Variants in OR52I2 observed in about 807,000 individuals in gnomAD.
OR52I2 encodes the protein olfactory receptor 52I2.
For missense variants in OR52I2, 350 were observed against 402.4 expected (o/e 0.87, Z 1.11); for synonymous variants, 147 against 151.9 (o/e 0.97, Z 0.24).
chr11:4,589,287 T>C (rs1846333286), exon 2 of OR52I2: 1 of 152,252 alleles, frequency 6.6e-6, no homozygotes. Context: ...AAGGACAATA[T>C]GACTCTCCAT....
At chr11:4,592,230 C>A (rs1846355498) in exon 2 of OR52I2, 1 of 152,174 alleles carries the variant, frequency 6.6e-6, no homozygotes, top group African/African-American at 2.4e-5. Flanking sequence ...TCACTTAAAT[C>A]TCAAAATATC....
chr11:4,591,571 G>A (rs1846350785), exon 2 of OR52I2: 1 of 152,202 alleles, frequency 6.6e-6, no homozygotes, highest in South Asian at 2.1e-4. Flanking sequence ...ATTTAATATG[G>A]TCTGGTCTAC....
chr11:4,583,612 C>T (rs1039845650), intron 1 of OR52I2, among the ~76,000 whole-genome samples: 2 of 152,234 alleles, frequency 1.3e-5, no homozygotes, highest in South Asian at 4.1e-4. Context: ...TGATCCATCA[C>T]TTAAGATGTC....
At chr11:4,586,972 C>T (rs1467701509) in exon 2 of OR52I2, 15 of 1,614,062 alleles carry the variant, frequency 9.3e-6, no homozygotes, top group Non-Finnish European at 1.1e-5. Flanking sequence ...GCAATCTTCA[C>T]ATCTTTGGCT....
exon 2 of OR52I2, chr11:4,591,841 G>C (rs570924648): frequency 1.3e-5 from 2 of 151,856 alleles, no homozygotes; most frequent in East Asian, 3.9e-4. Context: ...TTTTTCACAA[G>C]TGTGATGAAG....
At chr11:4,583,177 A>C (rs1485353934) in intron 1 of OR52I2, among the ~76,000 whole-genome samples, 1 of 152,230 alleles carries the variant, frequency 6.6e-6, no homozygotes, top group Admixed American at 6.5e-5. Context: ...TTAAAAAGAA[A>C]CAGCCAACAA....
intron 1 of OR52I2, among the ~76,000 whole-genome samples, chr11:4,585,547 A>AC (rs200920476): frequency 0.041 from 6,254 of 152,300 alleles, 149 homozygotes; most frequent in Middle Eastern, 0.071. Context: ...ATTATATGAT[A>AC]TGGTAACACC....
At chr11:4,590,723 C>T (rs1846344429) in exon 2 of OR52I2, 1 of 152,162 alleles carries the variant, frequency 6.6e-6, no homozygotes, top group Non-Finnish European at 1.5e-5. Context: ...GAGTTTGTTG[C>T]ATCCAGAACA....
At chr11:4,586,813 A>C (rs1554912576) in intron 1 of OR52I2, 59 bp from the exon 2 acceptor site, 1 of 1,610,730 alleles carries the variant, frequency 6.2e-7, no homozygotes, top group East Asian at 2.3e-5. Context: ...CCAGCACCAC[A>C]TGTGTCAACA....
chr11:4,591,370 G>A (rs1403410993), exon 2 of OR52I2: 1 of 152,172 alleles, frequency 6.6e-6, no homozygotes, highest in Non-Finnish European at 1.5e-5. Context: ...GTTAAAGCAG[G>A]CTGGTCTTGA....
Sources: allele counts gnomAD v4.1 joint callset (sites outside exome capture counted in the v4.1 genomes callset), GRCh38; gene constraint gnomAD v4.1.1; transcripts MANE v1.5; gene names NCBI Gene and HGNC (gene_info 2026-07-23, HGNC 2026-07-21).